Variants in SHROOM2 observed in about 807,000 individuals in gnomAD.
SHROOM2 encodes protein Shroom2.
A neutral mutation model predicts 75.9 loss-of-function variants in SHROOM2; 33 were observed. The observed-to-expected ratio is 0.43, with a 90% CI of 0.33 to 0.58. SHROOM2 has a LOEUF of 0.58. Ranked by LOEUF, SHROOM2 falls within the 20% of genes least tolerant of loss-of-function variation. SHROOM2 has a pLI of 0.04. For synonymous variants in SHROOM2, 655 were observed against 663.6 expected (o/e 0.99, Z 0.20); for missense variants, 1,434 against 1,461.2 (o/e 0.98, Z 0.30).
intron 2 of SHROOM2, among the ~76,000 whole-genome samples, chrX:9,879,848 G>C (rs1335459161): frequency 8.9e-6 from 1 of 112,248 alleles, no homozygotes; most frequent in Non-Finnish European, 1.9e-5. Flanking sequence ...GAGGTTCAAG[G>C]AATTGAGAAG....
chrX:9,827,223 C>CTTTTTTTTTTTTT (rs397953893), intron 1 of SHROOM2, among the ~76,000 whole-genome samples: 22 of 60,152 alleles, frequency 3.7e-4, no homozygotes, highest in Non-Finnish European at 4.7e-4. Flanking sequence ...TTTTCTTTTT[C>CTTTTTTTTTTTTT]TTTTTTTTTT....
chrX:9,903,760 G>A (rs1011598091), intron 5 of SHROOM2, among the ~76,000 whole-genome samples: 1 of 110,482 alleles, frequency 9.1e-6, no homozygotes, highest in African/African-American at 3.3e-5. Flanking sequence ...GCCCAAGCTG[G>A]TCTTGAACTC....
At position 9,786,516 on chromosome X, in the gene SHROOM2, CG is replaced by C; in HGVS notation, c.-29del. On this transcript the variant is annotated 5_prime_UTR_variant, in exon 1 of 10. An upstream open reading frame in the 5' UTR loses its in-frame stop. Transcript: ENST00000380913. ...GCCGGGACTGCCCGGAGTGCATGGG[CG>C]CGGGCCAGGGACGCTGAGCGGTCGC... 1 of 844,208 alleles carries C rather than the reference CG, an allele frequency of 1.2e-6. No homozygotes were observed. Among genetic ancestry groups the C allele is most frequent in the Non-Finnish European group, 1.4e-6 (1 of 695,739 alleles). 69.6% of individuals were successfully genotyped at this position (844,208 alleles called of 1,213,427 possible).
At chrX:9,837,124 G>A (rs1401753828) in intron 1 of SHROOM2, among the ~76,000 whole-genome samples, 6 of 112,547 alleles carry the variant, frequency 5.3e-5, no homozygotes, top group Non-Finnish European at 1.1e-4. Context: ...GTCAGCTGAT[G>A]CACGGTCTCA....
Position 9,895,578 on chromosome X carries a change from G to T in SHROOM2, c.1670G>T (p.Arg557Leu). The change falls in exon 4 of 10, where the codon CGT (arginine) becomes CTT (leucine). Residue 557 changes from arginine to leucine, a missense_variant. Arg to Leu is a moderately radical substitution (Grantham distance 102). Transcript: ENST00000380913. ...GCCCAGGAGCCTCCCAGGGCCAGCC[G>T]TGCAGAAAAAGCCAGCCAGAGGCTG... ...AGAQEPPRAS[R>L]AEKASQRLAA... 8.6e-7 allele frequency: 1 copy of T among 1,169,163 alleles called. No individual in the cohort carries two copies. Among genetic ancestry groups the T allele is most frequent in the Non-Finnish European group, 1.1e-6 (1 of 876,372 alleles).
At chrX:9,797,237 T>G (rs939934981) in intron 1 of SHROOM2, among the ~76,000 whole-genome samples, 1 of 111,872 alleles carries the variant, frequency 8.9e-6, no homozygotes, top group Non-Finnish European at 1.9e-5. Context: ...TGCCTGCCAT[T>G]TTACTTTTCC....
rs761183648 is a variant in SHROOM2 at position 9,894,980 on chromosome X, C to T, written c.1072C>T (p.Arg358Cys). Reference protein sequence around the residue: ...HFTALAQAQPRGDRRPELTDR... With the variant: ...HFTALAQAQPCGDRRPELTDR... ...TACGGCCCTGGCCCAGGCTCAGCCT[C>T]GTGGTGACCGGAGACCAGAGCTCAC... The change falls in exon 4 of 10, where the codon CGT becomes TGT. Residue 358 changes from arginine (R) to cysteine (C), a missense_variant. Arg to Cys is a radical substitution (Grantham distance 180). Around this residue, in one of 3 missense-constraint regions of SHROOM2, gnomAD observed 1,340 missense variants for 1,338.3 expected, o/e 1.00. Transcript: ENST00000380913. 9 of 1,210,518 alleles carry T rather than the reference C, an allele frequency of 7.4e-6. No homozygotes were observed. The highest frequency in any genetic ancestry group is 2.3e-4 in the Middle Eastern group (1 of 4,350).
At chrX:9,927,356 C>CAAAAAAAAAA (rs56344026) in intron 5 of SHROOM2, among the ~76,000 whole-genome samples, 1 of 24,378 alleles carries the variant, frequency 4.1e-5, no homozygotes, top group Non-Finnish European at 8.1e-5. Context: ...TCTCTGTCTC[C>CAAAAAAAAAA]AAAAAAAAAA....
intron 1 of SHROOM2, among the ~76,000 whole-genome samples, chrX:9,823,521 G>C (rs973955404): frequency 1.8e-5 from 2 of 110,690 alleles, no homozygotes; most frequent in African/African-American, 3.3e-5. Context: ...TTAAACATAA[G>C]ATTTTATTTG....
chrX:9,898,677 C>T (rs1264931593), intron 5 of SHROOM2, among the ~76,000 whole-genome samples: 1 of 112,510 alleles, frequency 8.9e-6, no homozygotes, highest in Non-Finnish European at 1.9e-5. Flanking sequence ...ATCTAGCACA[C>T]AGCTGTGTGC....
At chrX:9,801,061 A>G (rs919184251) in intron 1 of SHROOM2, among the ~76,000 whole-genome samples, 3 of 111,859 alleles carry the variant, frequency 2.7e-5, no homozygotes. Context: ...TAATGGACTC[A>G]CAGTTCCATG....
At chrX:9,878,072 C>T (rs774122814) in intron 2 of SHROOM2, among the ~76,000 whole-genome samples, 118 of 112,113 alleles carry the variant, frequency 1.1e-3, no homozygotes, top group South Asian at 2.2e-3. Flanking sequence ...TTTCAAACAC[C>T]CTAGGGAAAA....
At chrX:9,903,212 A>G (rs974924831) in intron 5 of SHROOM2, among the ~76,000 whole-genome samples, 1 of 111,763 alleles carries the variant, frequency 8.9e-6, no homozygotes, top group Non-Finnish European at 1.9e-5. Flanking sequence ...TCTCCCCCTC[A>G]TTTGTCACTT....
intron 2 of SHROOM2, among the ~76,000 whole-genome samples, chrX:9,878,861 T>C (rs1014654910): frequency 3.6e-5 from 4 of 110,998 alleles, no homozygotes; most frequent in African/African-American, 1.3e-4. Context: ...TTCGAGGCTG[T>C]CTGATGTCTT....
intron 5 of SHROOM2, among the ~76,000 whole-genome samples, chrX:9,914,151 A>G (rs994262910): frequency 1.4e-4 from 14 of 100,863 alleles, no homozygotes; most frequent in African/African-American, 3.3e-4. Flanking sequence ...GGGAATTCTC[A>G]TCTACAGAGG....
At chrX:9,831,514 C>T (rs1011354137) in intron 1 of SHROOM2, among the ~76,000 whole-genome samples, 6 of 111,595 alleles carry the variant, frequency 5.4e-5, no homozygotes, top group South Asian at 3.8e-4. Flanking sequence ...CAAAATTAGC[C>T]GGGTGTGGTG....
intron 5 of SHROOM2, among the ~76,000 whole-genome samples, chrX:9,906,869 A>G (rs1178733337): frequency 8.8e-6 from 1 of 113,002 alleles, no homozygotes; most frequent in Non-Finnish European, 1.9e-5. Context: ...AGTTTGCGGA[A>G]GATGAGATGA....
At chrX:9,842,219 TAG>T (rs1252297850) in intron 1 of SHROOM2, among the ~76,000 whole-genome samples, 2 of 112,484 alleles carry the variant, frequency 1.8e-5, no homozygotes, top group African/African-American at 6.5e-5. Flanking sequence ...AACATAAATT[TAG>T]AGTTTGGATC....
chrX:9,892,092 A>G (rs1351264865), intron 3 of SHROOM2, among the ~76,000 whole-genome samples: 2 of 108,553 alleles, frequency 1.8e-5, no homozygotes, highest in Non-Finnish European at 3.8e-5. Context: ...TCTCTATTAA[A>G]AATAAAAGAA....
Sources: gnomAD v4.1 joint callset for allele counts (sites outside exome capture counted in the v4.1 genomes callset) on GRCh38, gnomAD v4.1.1 for gene constraint, gnomAD v4.1.1 regional missense constraint, MANE v1.5 for transcripts, NCBI Gene and HGNC (gene_info 2026-07-23, HGNC 2026-07-21) for gene names.